PGS1: variants seen among roughly 807,000 people sequenced by gnomAD.
The protein encoded by PGS1 is phosphatidylglycerophosphate synthase 1, also known as CDP-diacylglycerol--glycerol-3-phosphate 3-phosphatidyltransferase, mitochondrial.
In PGS1, 44 loss-of-function variants were observed where a neutral mutation model predicts 58.3. The ratio of observed to expected loss-of-function variants is 0.75; its 90% CI spans 0.59 to 0.97. The LOEUF is 0.97. Ranked by LOEUF, PGS1 falls within the 50% of genes least tolerant of loss-of-function variation. The pLI, the probability that PGS1 is intolerant of heterozygous loss-of-function variation, is 0.00. For synonymous variants in PGS1, 330 were observed against 311.0 expected (o/e 1.06, Z -0.64); for missense variants, 684 against 731.1 (o/e 0.94, Z 0.74).
intron 1 of PGS1, among the ~76,000 whole-genome samples, chr17:78,386,122 G>C (rs2082366645): frequency 6.6e-6 from 1 of 152,220 alleles, no homozygotes; most frequent in African/African-American, 2.4e-5. Flanking sequence ...TCAGGTGACT[G>C]AACCTTTCTC....
At chr17:78,422,155 C>T (rs560819566) in intron 9 of PGS1, among the ~76,000 whole-genome samples, 179 of 152,256 alleles carry the variant, frequency 1.2e-3, no homozygotes, top group Non-Finnish European at 1.8e-3. Context: ...GTGAGTTGCC[C>T]GGTGGCCCCT....
intron 7 of PGS1, among the ~76,000 whole-genome samples, chr17:78,410,750 G>A (rs966253425): frequency 6.6e-6 from 1 of 152,012 alleles, no homozygotes; most frequent in Non-Finnish European, 1.5e-5. Context: ...GGGATTACGG[G>A]GTTGAGCCAC....
Position 78,424,157 on chromosome 17 carries a change from C to T in PGS1, c.*107C>T, listed in dbSNP as rs1413888213. Reference sequence around the variant, plus strand: ...GTCTGGGTGTCCCAGCGAGCCCCTGCAGGGACAGTATGGCTGAGGGTCAGG... The same window carrying T: ...GTCTGGGTGTCCCAGCGAGCCCCTGTAGGGACAGTATGGCTGAGGGTCAGG... On this transcript the variant is annotated 3_prime_UTR_variant, in exon 10 of 10. Coordinates refer to ENST00000262764, the MANE Select transcript of PGS1 (RefSeq NM_024419.5). 4 of 1,607,658 alleles carry T rather than the reference C, an allele frequency of 2.5e-6. No individual in the cohort carries two copies. The highest frequency in any genetic ancestry group is 3.4e-6 in the Non-Finnish European group (4 of 1,177,360).
chr17:78,410,890 C>A (rs865793061), intron 7 of PGS1, among the ~76,000 whole-genome samples: 1 of 152,170 alleles, frequency 6.6e-6, no homozygotes, highest in Non-Finnish European at 1.5e-5. Flanking sequence ...AGGCATCATT[C>A]GGGACATTGG....
chr17:78,424,338 T>G lies in PGS1; in HGVS notation c.*288T>G, dbSNP rs2086302872. ...TAGGTGATGGCCTGCATGTTGTAAC[T>G]ACCCCGTCCCGCTGGGCTCAAGGAA... On this transcript the variant is annotated 3_prime_UTR_variant, in exon 10 of 10. Coordinates refer to ENST00000262764, the MANE Select transcript of PGS1 (RefSeq NM_024419.5). 2 of 656,666 alleles carry G rather than the reference T, an allele frequency of 3.0e-6. No homozygotes were observed. The highest frequency in any genetic ancestry group is 1.8e-5 in the African/African-American group (1 of 55,264). The allele number at this position is 656,666 out of a possible 1,614,324, so 40.7% of individuals were successfully genotyped here. A position where few individuals can be genotyped will look rare whatever the true frequency, so the allele number is the denominator to read the frequency against.
chr17:78,409,222 T>C (rs2084416472), intron 7 of PGS1, among the ~76,000 whole-genome samples: 1 of 152,284 alleles, frequency 6.6e-6, no homozygotes, highest in Non-Finnish European at 1.5e-5. Context: ...GGACATGGGC[T>C]CTGCCCTCCG....
chr17:78,408,666 TC>T (rs2084365885), intron 7 of PGS1, among the ~76,000 whole-genome samples: 1 of 152,162 alleles, frequency 6.6e-6, no homozygotes, highest in Non-Finnish European at 1.5e-5. Context: ...TTGCGCTGAT[TC>T]GGTCGTGAAG....
chr17:78,399,754 G>GT (rs1485870690), intron 5 of PGS1, among the ~76,000 whole-genome samples: 6 of 152,248 alleles, frequency 3.9e-5, no homozygotes, highest in African/African-American at 1.4e-4. Flanking sequence ...AGGGCACTTA[G>GT]TCTGTGCTGG....
intron 7 of PGS1, among the ~76,000 whole-genome samples, chr17:78,411,730 G>T (rs1297543277): frequency 6.6e-6 from 1 of 152,116 alleles, no homozygotes; most frequent in Non-Finnish European, 1.5e-5. Context: ...GTGATAACCA[G>T]TTTACAGCCT....
intron 2 of PGS1, 81 bp from the exon 3 acceptor site, chr17:78,396,227 C>T (rs985869306): frequency 4.9e-5 from 50 of 1,029,258 alleles, no homozygotes; most frequent in Non-Finnish European, 6.1e-6. Flanking sequence ...GTGGGATTTG[C>T]CTCCCAGGTC....
At chr17:78,394,171 CCCAAAAAAAAAAA>C (rs1268813163) in intron 2 of PGS1, among the ~76,000 whole-genome samples, 5 of 27,808 alleles carry the variant, frequency 1.8e-4, no homozygotes, top group East Asian at 1.1e-3. Flanking sequence ...GACTCTATCT[CCCAAAAAAAAAAA>C]AAAAAAAAAA....
chr17:78,421,694 C>T (rs1463096785), intron 9 of PGS1: 1 of 152,270 alleles, frequency 6.6e-6, no homozygotes, highest in Non-Finnish European at 1.5e-5. Flanking sequence ...AGTTCGCATT[C>T]CTCCAGATTC....
At chr17:78,384,695 T>C (rs2082258768) in intron 1 of PGS1, among the ~76,000 whole-genome samples, 1 of 152,156 alleles carries the variant, frequency 6.6e-6, no homozygotes, top group South Asian at 2.1e-4. Context: ...TCTGCCCTGT[T>C]CAGTGAGGAC....
At chr17:78,392,196 G>A (rs1190695375) in intron 1 of PGS1, among the ~76,000 whole-genome samples, 1 of 152,152 alleles carries the variant, frequency 6.6e-6, no homozygotes, top group African/African-American at 2.4e-5. Context: ...GAGTTGTTTG[G>A]AATTAAAGTT....
chr17:78,401,701 C>T (rs1056160218), intron 6 of PGS1, among the ~76,000 whole-genome samples: 4 of 152,122 alleles, frequency 2.6e-5, no homozygotes, highest in Admixed American at 2.6e-4. Flanking sequence ...CCTCAGACCC[C>T]GACCGTGATG....
intron 1 of PGS1, among the ~76,000 whole-genome samples, chr17:78,384,511 G>A (rs909972850): frequency 3.3e-5 from 5 of 152,164 alleles, no homozygotes; most frequent in African/African-American, 4.8e-5. Context: ...AGAGAGCTCA[G>A]TTTCTTTTAA....
chr17:78,424,474 TAC>T lies in PGS1; in HGVS notation c.*426_*427del, dbSNP rs1239175371. ...GGAAGTCATAACTCCAGCTAAAAAT[TAC>T]AGAGTAAAGTTCCCTGATTCTTAAT... On this transcript the variant is annotated 3_prime_UTR_variant, in exon 10 of 10. Transcript: ENST00000262764. 10 of 324,316 alleles carry T rather than the reference TAC, an allele frequency of 3.1e-5. No homozygotes were observed. The highest frequency in any genetic ancestry group is 5.6e-5 in the East Asian group (1 of 17,808). The allele number at this position is 324,316 out of a possible 1,614,324, so 20.1% of individuals were successfully genotyped here.
chr17:78,396,686 C>T (rs147889554), intron 3 of PGS1, among the ~76,000 whole-genome samples: 11 of 152,340 alleles, frequency 7.2e-5, no homozygotes, highest in East Asian at 1.9e-4. Context: ...AGGGCTTGGC[C>T]GACTGTGGCC....
intron 1 of PGS1, chr17:78,380,992 C>G (rs556729858): frequency 2.6e-5 from 4 of 152,272 alleles, no homozygotes; most frequent in African/African-American, 9.6e-5. Context: ...TCTACAGACA[C>G]ATGCCACCAC....
Sources: gnomAD v4.1 joint callset for allele counts (sites outside exome capture counted in the v4.1 genomes callset) on GRCh38, gnomAD v4.1.1 for gene constraint, MANE v1.5 for transcripts, NCBI Gene and HGNC (gene_info 2026-07-23, HGNC 2026-07-21) for gene names.